SPG11: variants seen among roughly 807,000 people sequenced by gnomAD.
SPG11 encodes SPG11 vesicle trafficking associated, spatacsin.
Under a neutral mutation model 274.0 loss-of-function variants are expected in SPG11, and 222 were observed. That is an observed-to-expected ratio of 0.81 (90% CI 0.73 to 0.91). SPG11 has a LOEUF of 0.91. SPG11 is among the 40% of genes least tolerant of loss of function. SPG11 has a pLI of 0.00. For missense variants in SPG11, 3,114 were observed against 2,872.7 expected (o/e 1.08, Z -1.92); for synonymous variants, 1,144 against 1,039.7 (o/e 1.10, Z -1.93).
chr15:44,567,452 T>C lies in SPG11; in HGVS notation c.6726A>G (p.Gln2242=), dbSNP rs376245210. 8.7e-6 allele frequency: 14 copies of C among 1,613,776 alleles called. No individual in the cohort carries two copies. Among genetic ancestry groups the C allele is most frequent in the South Asian group, 4.4e-5 (4 of 91,072 alleles). ...AGGGCTGAGACTCAATCAATTTCAG[T>C]TGGATGCGGGCAGCTGCCTCGTGGT... The part of the protein sequence containing the change: ...GENHEAAARI[Q]LKLIESQPWE... The change falls in exon 36 of 40, where the codon CAA becomes CAG. Residue 2242 remains glutamine, a synonymous_variant. Coordinates refer to ENST00000261866, the MANE Select transcript of SPG11 (RefSeq NM_025137.4).
In SPG11 at chr15:44,601,162, A is replaced by T. The variant is rs1019082608; in HGVS notation, c.3521-530T>A. On this transcript the variant is annotated intron_variant, in intron 20 of 39. Transcript: ENST00000261866. ...AGTGAAACTTCATTTCAAAAAAACA[A>T]AAAAAAGTGTGAGATTCCTGGTCTT... Among the ~76,000 whole-genome samples the T allele has an allele frequency of 3.3e-5, 5 of 152,102 alleles. No homozygotes were observed. In the East Asian group the frequency reaches 9.6e-4, roughly 29 times the overall value.
chr15:44,608,118 CCG>C, intron 19 of SPG11, among the ~76,000 whole-genome samples: 1 of 152,290 alleles, frequency 6.6e-6, no homozygotes, highest in Non-Finnish European at 1.5e-5. Flanking sequence ...TGGGGCATCT[CCG>C]CTAAGTTTCT....
rs766369623 is a variant in SPG11, at chr15:44,620,184, T to C, written c.2834+6A>G. On this transcript the variant is annotated splice_donor_region_variant and intron_variant, in intron 15 of 39. Transcript: ENST00000261866. ...CCATTGGGTATTAGTTCAACAGTTA[T>C]AATACCTGGCCAGCTTATCTAAAAT... 2.1e-5 allele frequency: 34 copies of C among 1,607,836 alleles called. No homozygotes were observed. Among genetic ancestry groups the C allele is most frequent in the Middle Eastern group, 1.6e-4 (1 of 6,074 alleles).
rs755042849 is a variant in SPG11, at chr15:44,613,427, T to C, written c.3145+3A>G. 6.3e-7 allele frequency: 1 copy of C among 1,591,704 alleles called. No individual in the cohort carries two copies. Among genetic ancestry groups the C allele is most frequent in the Non-Finnish European group, 8.6e-7 (1 of 1,159,750 alleles). Reference sequence around the variant, plus strand: ...TTCTGTGTTTAATACAGTATACCCATACCTGTTAAGTTACTGGCAACTTGT... The same window carrying C: ...TTCTGTGTTTAATACAGTATACCCACACCTGTTAAGTTACTGGCAACTTGT... On this transcript the variant is annotated splice_donor_region_variant and intron_variant, in intron 17 of 39. Transcript: ENST00000261866.
rs1040889072 is a variant in SPG11, at chr15:44,652,190, C to G, written c.946G>C (p.Asp316His). The change falls in exon 5 of 40, where the codon GAT becomes CAT. Residue 316 changes from aspartate (D) to histidine (H), a missense_variant. Coordinates refer to ENST00000261866, the MANE Select transcript of SPG11 (RefSeq NM_025137.4). ...TTGTAGGCAGAGTTAACAGGATCATCTTCATCTACGCCCTTAGGTCCTTGA... is the reference window on the plus strand; with the variant it reads ...TTGTAGGCAGAGTTAACAGGATCATGTTCATCTACGCCCTTAGGTCCTTGA... ...PIQGPKGVDE[D>H]DPVNSAYNMK... The G allele has an allele frequency of 5.0e-6, 8 of 1,614,142 alleles. No individual in the cohort carries two copies. The highest frequency in any genetic ancestry group is 6.8e-6 in the Non-Finnish European group (8 of 1,180,008).
At chr15:44,613,560 C>T (rs755130963) in intron 16 of SPG11, 24 bp from the exon 17 acceptor site, 2 of 1,462,056 alleles carry the variant, frequency 1.4e-6, no homozygotes, top group Non-Finnish European at 1.9e-6. Context: ...AAACAAAAAC[C>T]TTCTTTGATT....
In SPG11 at chr15:44,651,514, T is replaced by C. The variant is rs142428867; in HGVS notation, c.1433A>G (p.Gln478Arg). Residue 478 changes from glutamine to arginine, a missense_variant, in exon 6 of 40, where the codon CAG becomes CGG. Transcript: ENST00000261866. ...ACCTGTCAAAACAAAGCACAGCTGC[T>C]GGTCTCCACTACTGTCTACAGGAAT... ...KCIPVDSSGD[Q>R]QLCFVLTENG... 35 of 1,614,068 alleles carry C rather than the reference T, an allele frequency of 2.2e-5. No homozygotes were observed. In the African/African-American group the frequency reaches 4.1e-4, roughly 19 times the overall value.
chr15:44,635,704 G>A (rs1413696368), intron 7 of SPG11, among the ~76,000 whole-genome samples: 1 of 150,698 alleles, frequency 6.6e-6, no homozygotes, highest in African/African-American at 2.4e-5. Flanking sequence ...ATCACCTAAG[G>A]TCAGGAGTTC....
intron 20 of SPG11, among the ~76,000 whole-genome samples, chr15:44,605,475 A>G (rs2083295107): frequency 6.6e-6 from 1 of 152,202 alleles, no homozygotes; most frequent in Admixed American, 6.5e-5. Context: ...ATTAAAGATA[A>G]AAGAGAAATA....
In SPG11 at chr15:44,595,295, G is replaced by T. The variant is rs758762845; in HGVS notation, c.4599C>A (p.Ser1533Arg). ...GCTGGAAACCTCTGATGAGAGTTTT[G>T]CTCTTTTGTCTTGTTAATAATGTTC... ...IWRTLLTRQK[S>R]KTLIRGFQLF... The change falls in exon 26 of 40, where the codon AGC becomes AGA. Residue 1533 changes from serine to arginine, a missense_variant. Ser to Arg is a moderately radical substitution (Grantham distance 110). Coordinates refer to ENST00000261866, the MANE Select transcript of SPG11 (RefSeq NM_025137.4). The T allele has an allele frequency of 6.2e-7, 1 of 1,614,216 alleles. No homozygotes were observed. Among genetic ancestry groups the T allele is most frequent in the Non-Finnish European group, 8.5e-7 (1 of 1,180,034 alleles).
chr15:44,642,791 G>GC (rs1401739189), intron 7 of SPG11, among the ~76,000 whole-genome samples: 1 of 151,888 alleles, frequency 6.6e-6, no homozygotes, highest in Non-Finnish European at 1.5e-5. Flanking sequence ...GATCACTTGA[G>GC]CCCAGGAATT....
chr15:44,596,279 A>AT lies in SPG11; in HGVS notation c.4237_4238insA (p.Val1413AspfsTer14). On this transcript the variant is annotated frameshift_variant, in exon 25 of 40. Coordinates refer to ENST00000261866, the MANE Select transcript of SPG11 (RefSeq NM_025137.4). LOFTEE classifies it high-confidence loss of function. ...ATCGCTGTCCATTTTGGAGGTGGGC[A>AT]CTGAGGGCAAGTTCTCAAAAGCCAG... is the stretch of plus-strand genomic sequence containing the variant. 6.2e-7 allele frequency: 1 copy of AT among 1,614,190 alleles called. No homozygotes were observed. Among genetic ancestry groups the AT allele is most frequent in the Non-Finnish European group, 8.5e-7 (1 of 1,180,016 alleles).
rs1323903906 is a variant in SPG11, at chr15:44,619,328, TAGAA to T, written c.2834+858_2834+861del. Among the ~76,000 whole-genome samples the T allele has an allele frequency of 4.6e-5, 7 of 152,352 alleles. No individual in the cohort carries two copies. In the East Asian group the frequency reaches 9.6e-4, roughly 21 times the overall value. ...CTTTCCTTATACTATTTCAACAGGT[TAGAA>T]AGATAGATTAAATGGAGCCGAATGA... On this transcript the variant is annotated intron_variant, in intron 15 of 39. Transcript: ENST00000261866.
chr15:44,570,648 G>C lies in SPG11; in HGVS notation c.6354C>G (p.Leu2118=). 6.2e-7 allele frequency: 1 copy of C among 1,614,036 alleles called. No individual in the cohort carries two copies. The highest frequency in any genetic ancestry group is 8.5e-7 in the Non-Finnish European group (1 of 1,179,992). Residue 2118 remains leucine, a synonymous_variant, in exon 34 of 40, where the codon CTC becomes CTG. Coordinates refer to ENST00000261866, the MANE Select transcript of SPG11 (RefSeq NM_025137.4). ...TGAAGCAATGATGGGCCAGGATCAG[G>C]AGCTCTGTGGCTGGGAGGGTGGGCA... The part of the protein sequence containing the change: ...PHGELSCTTE[L]LILAHHCFTL...
chr15:44,659,243 A>T lies in SPG11; in HGVS notation c.503T>A (p.Ile168Asn). 1 of 1,614,206 alleles carries T rather than the reference A, an allele frequency of 6.2e-7. No homozygotes were observed. Among genetic ancestry groups the T allele is most frequent in the Non-Finnish European group, 8.5e-7 (1 of 1,179,992 alleles). Residue 168 changes from isoleucine (I) to asparagine (N), a missense_variant, in exon 3 of 40, where the codon ATC becomes AAC. Coordinates refer to ENST00000261866, the MANE Select transcript of SPG11 (RefSeq NM_025137.4). ...AATATGTAGGATGACACATTTGTTGATGAACAGTAATGATGTGTTATTGTG... is the reference window on the plus strand; with the variant it reads ...AATATGTAGGATGACACATTTGTTGTTGAACAGTAATGATGTGTTATTGTG... Reference protein sequence around the residue: ...SFHNNTSLLFINKCVILHIIF... With the variant: ...SFHNNTSLLFNNKCVILHIIF...
In SPG11 at chr15:44,570,516, G is replaced by A. The variant is rs1567129343; in HGVS notation, c.6477+9C>T. The A allele has an allele frequency of 2.5e-6, 4 of 1,613,872 alleles. No individual in the cohort carries two copies. The highest frequency in any genetic ancestry group is 1.7e-5 in the Admixed American group (1 of 59,984). ...CAGGATGGAGACTGGGGTTGAGGGGGCTACTTACCACCAGCCCATACTCCT... is the reference window on the plus strand; with the variant it reads ...CAGGATGGAGACTGGGGTTGAGGGGACTACTTACCACCAGCCCATACTCCT... On this transcript the variant is annotated intron_variant, in intron 34 of 39. Coordinates refer to ENST00000261866, the MANE Select transcript of SPG11 (RefSeq NM_025137.4).
At chr15:44,647,454 A>C (rs1288702945) in intron 7 of SPG11, among the ~76,000 whole-genome samples, 1 of 152,200 alleles carries the variant, frequency 6.6e-6, no homozygotes, top group Non-Finnish European at 1.5e-5. Flanking sequence ...CAACACAAAA[A>C]CTTGTACACA....
chr15:44,629,373 A>G lies in SPG11; in HGVS notation c.1751T>C (p.Ile584Thr). Residue 584 changes from isoleucine to threonine, a missense_variant, in exon 9 of 40, where the codon ATA becomes ACA. Transcript: ENST00000261866. Reference sequence around the variant, plus strand: ...CGAGCAAAGTAAATCCAATGCTGGTATCAGCTCTTCCACATCTGAGAAAGA... The same window carrying G: ...CGAGCAAAGTAAATCCAATGCTGGTGTCAGCTCTTCCACATCTGAGAAAGA... The part of the protein sequence containing the change: ...HLYLRNVEEL[I>T]PALDLLCSAI... 6.2e-7 allele frequency: 1 copy of G among 1,614,134 alleles called. No individual in the cohort carries two copies. The highest frequency in any genetic ancestry group is 1.1e-5 in the South Asian group (1 of 91,076).
At chr15:44,571,276 A>G (rs2082417638) in intron 33 of SPG11, among the ~76,000 whole-genome samples, 1 of 151,982 alleles carries the variant, frequency 6.6e-6, no homozygotes. Context: ...CTGACAATGA[A>G]TCCTTCAGGC....
Sources: allele counts gnomAD v4.1 joint callset (sites outside exome capture counted in the v4.1 genomes callset), GRCh38; gene constraint gnomAD v4.1.1; transcripts MANE v1.5; gene names NCBI Gene and HGNC (gene_info 2026-07-23, HGNC 2026-07-21).